KIF26B: variants seen among roughly 807,000 people sequenced by gnomAD.
The protein encoded by KIF26B is kinesin family member 26B, also known as kinesin-like protein KIF26B.
KIF26B carries 63 observed loss-of-function variants against 151.2 expected under a neutral mutation model. That is an observed-to-expected ratio of 0.42 (90% CI 0.34 to 0.51). The LOEUF (loss-of-function observed/expected upper bound fraction) is 0.51, where lower values mean the gene tolerates loss of function less well. Ranked by LOEUF, KIF26B falls within the 20% of genes least tolerant of loss-of-function variation. KIF26B has a pLI of 0.07. For synonymous variants in KIF26B, 1,357 were observed against 1,262.1 expected, an observed-to-expected ratio of 1.08 and a Z score of -1.59; for missense variants, 2,813 against 2,913.6, an observed-to-expected ratio of 0.97 and a Z score of 0.79.
At chr1:245,249,844 G>A (rs931373392) in intron 2 of KIF26B, among the ~76,000 whole-genome samples, 2 of 152,114 alleles carry the variant, frequency 1.3e-5, no homozygotes, top group Non-Finnish European at 2.9e-5. Flanking sequence ...TTGTTTTGGA[G>A]TTTGTCCAGG....
At chr1:245,357,580 A>G (rs2103004269) in intron 2 of KIF26B, among the ~76,000 whole-genome samples, 1 of 152,276 alleles carries the variant, frequency 6.6e-6, no homozygotes, top group South Asian at 2.1e-4. Flanking sequence ...ACACTTTGAT[A>G]TTTTTGGACA....
chr1:245,636,835 A>T (rs2043839114), intron 9 of KIF26B, among the ~76,000 whole-genome samples: 1 of 150,368 alleles, frequency 6.7e-6, no homozygotes, highest in African/African-American at 2.4e-5. Context: ...GGATTTCATT[A>T]TTTTTATGGC....
chr1:245,269,833 A>G (rs969928241), intron 2 of KIF26B, among the ~76,000 whole-genome samples: 4 of 151,678 alleles, frequency 2.6e-5, no homozygotes, highest in African/African-American at 9.7e-5. Context: ...CATTTTCTTT[A>G]TCCACTCATC....
intron 9 of KIF26B, among the ~76,000 whole-genome samples, chr1:245,635,341 T>C (rs1428725517): frequency 1.3e-5 from 2 of 152,096 alleles, no homozygotes; most frequent in Non-Finnish European, 2.9e-5. Flanking sequence ...TTATTATCTA[T>C]TACCTCTTGA....
At chr1:245,225,069 CCA>C (rs1558352077) in intron 2 of KIF26B, among the ~76,000 whole-genome samples, 1 of 152,186 alleles carries the variant, frequency 6.6e-6, no homozygotes, top group Non-Finnish European at 1.5e-5. Flanking sequence ...TACACTTCTA[CCA>C]CAATGTCTGA....
At chr1:245,463,202 G>A (rs1226040959) in intron 4 of KIF26B, among the ~76,000 whole-genome samples, 1 of 152,222 alleles carries the variant, frequency 6.6e-6, no homozygotes, top group Non-Finnish European at 1.5e-5. Flanking sequence ...CAGCCGTGGT[G>A]CTCAATCTGC....
At chr1:245,257,920 G>A (rs1216416680) in intron 2 of KIF26B, among the ~76,000 whole-genome samples, 2 of 152,168 alleles carry the variant, frequency 1.3e-5, no homozygotes, top group African/African-American at 2.4e-5. Flanking sequence ...TACTCGGGAG[G>A]CTGAGGCTGG....
At chr1:245,647,910 T>C (rs1195731637) in intron 10 of KIF26B, among the ~76,000 whole-genome samples, 2 of 152,238 alleles carry the variant, frequency 1.3e-5, no homozygotes, top group Non-Finnish European at 2.9e-5. Flanking sequence ...TCCCGGCTCT[T>C]GTAACAACCC....
At chr1:245,424,032 G>A (rs1362101029) in intron 4 of KIF26B, among the ~76,000 whole-genome samples, 2 of 152,006 alleles carry the variant, frequency 1.3e-5, no homozygotes, top group Non-Finnish European at 1.5e-5. Flanking sequence ...GAAGAGATGA[G>A]TCTCCCTATG....
chr1:245,650,693 C>A (rs529591322), intron 10 of KIF26B, among the ~76,000 whole-genome samples: 5 of 152,334 alleles, frequency 3.3e-5, no homozygotes, highest in African/African-American at 1.2e-4. Flanking sequence ...GGTCATATGA[C>A]CTGTTTGCTT....
At chr1:245,642,448 C>G (rs959218271) in intron 9 of KIF26B, among the ~76,000 whole-genome samples, 11 of 151,332 alleles carry the variant, frequency 7.3e-5, no homozygotes, top group Admixed American at 6.0e-4. Flanking sequence ...GTAGTCCTAG[C>G]TACTCGGGAG....
intron 2 of KIF26B, among the ~76,000 whole-genome samples, chr1:245,253,421 G>A (rs968938031): frequency 2.6e-5 from 4 of 152,046 alleles, no homozygotes; most frequent in Admixed American, 6.6e-5. Flanking sequence ...AAAATATATT[G>A]CTGGATTTGA....
At chr1:245,436,182 A>G (rs1658926808) in intron 4 of KIF26B, among the ~76,000 whole-genome samples, 1 of 151,962 alleles carries the variant, frequency 6.6e-6, no homozygotes, top group African/African-American at 2.4e-5. Context: ...GTCTCAAAAA[A>G]AAAAAAAAAG....
intron 10 of KIF26B, among the ~76,000 whole-genome samples, chr1:245,650,108 G>T (rs1466014908): frequency 1.3e-5 from 2 of 152,182 alleles, no homozygotes; most frequent in African/African-American, 4.8e-5. Context: ...TGCAGGGAAG[G>T]CAGGGAGACC....
chr1:245,323,888 G>T (rs928288282), intron 2 of KIF26B, among the ~76,000 whole-genome samples: 1 of 151,882 alleles, frequency 6.6e-6, no homozygotes, highest in Non-Finnish European at 1.5e-5. Flanking sequence ...GATGGAGGTG[G>T]AGGTGGGGTG....
intron 4 of KIF26B, among the ~76,000 whole-genome samples, chr1:245,501,149 C>T (rs887976022): frequency 1.3e-5 from 2 of 152,168 alleles, no homozygotes; most frequent in East Asian, 1.9e-4. Context: ...GTAATTTACT[C>T]GAGGCAATCT....
intron 2 of KIF26B, among the ~76,000 whole-genome samples, chr1:245,288,411 A>G (rs1471208768): frequency 6.6e-6 from 1 of 152,244 alleles, no homozygotes; most frequent in African/African-American, 2.4e-5. Context: ...TTTAACGATC[A>G]GTTCTAAATG....
intron 2 of KIF26B, among the ~76,000 whole-genome samples, chr1:245,207,450 A>T (rs757271916): frequency 6.6e-6 from 1 of 152,218 alleles, no homozygotes; most frequent in Non-Finnish European, 1.5e-5. Context: ...CCACAGCAGG[A>T]GGGGTAAATT....
At chr1:245,621,326 G>C (rs1396169919) in intron 9 of KIF26B, among the ~76,000 whole-genome samples, 1 of 152,126 alleles carries the variant, frequency 6.6e-6, no homozygotes, top group Non-Finnish European at 1.5e-5. Flanking sequence ...ACTTCTATGA[G>C]CCTCAGTTTC....
Sources: gnomAD v4.1 joint callset for allele counts (sites outside exome capture counted in the v4.1 genomes callset) on GRCh38, gnomAD v4.1.1 for gene constraint, MANE v1.5 for transcripts, NCBI Gene and HGNC (gene_info 2026-07-23, HGNC 2026-07-21) for gene names.